NFATC3: variants seen among roughly 807,000 people sequenced by gnomAD.
NFATC3 encodes the protein nuclear factor of activated T cells 3.
Under a neutral mutation model 98.6 loss-of-function variants are expected in NFATC3, and 46 were observed. The observed-to-expected ratio is 0.47, with a 90% CI of 0.37 to 0.60. NFATC3 has a LOEUF of 0.60. Among genes scored for constraint, NFATC3 ranks in the 20% least tolerant of loss-of-function variants. NFATC3 has a pLI of 0.00. For synonymous variants in NFATC3, 512 were observed against 472.2 expected (o/e 1.08, Z -1.09); for missense variants, 1,256 against 1,295.5 (o/e 0.97, Z 0.47).
chr16:68,102,097 C>T (rs1458179175), intron 1 of NFATC3, among the ~76,000 whole-genome samples: 4 of 151,912 alleles, frequency 2.6e-5, no homozygotes, highest in Non-Finnish European at 2.9e-5. Context: ...CTTCACCAGG[C>T]GCAGTGGCTC....
At chr16:68,091,355 AC>A (rs1257864859) in intron 1 of NFATC3, among the ~76,000 whole-genome samples, 1 of 152,174 alleles carries the variant, frequency 6.6e-6, no homozygotes, top group Non-Finnish European at 1.5e-5. Context: ...CAACCAGTAA[AC>A]TTTGCCTAAA....
intron 9 of NFATC3, among the ~76,000 whole-genome samples, chr16:68,208,408 A>G (rs118035472): frequency 0.12 from 18,904 of 152,126 alleles, 1,295 homozygotes; most frequent in South Asian, 0.2. Context: ...ATGCCACTGT[A>G]AATAGAATTG....
At chr16:68,114,159 A>G (rs2036138855) in intron 1 of NFATC3, among the ~76,000 whole-genome samples, 1 of 152,172 alleles carries the variant, frequency 6.6e-6, no homozygotes, top group Non-Finnish European at 1.5e-5. Context: ...AGGGTAGCAC[A>G]GTTACTCACC....
chr16:68,204,662 T>C (rs1218211579), intron 9 of NFATC3, among the ~76,000 whole-genome samples: 1 of 152,184 alleles, frequency 6.6e-6, no homozygotes, highest in African/African-American at 2.4e-5. Context: ...ACTTATATAA[T>C]CTCGCTTTCG....
intron 1 of NFATC3, among the ~76,000 whole-genome samples, chr16:68,099,050 A>G (rs997880766): frequency 2.6e-5 from 4 of 152,196 alleles, no homozygotes; most frequent in Admixed American, 2.0e-4. Flanking sequence ...GATGTGAACA[A>G]TTTTACATGC....
chr16:68,191,097 G>A lies in NFATC3; in HGVS notation c.2428G>A (p.Val810Met). The A allele has an allele frequency of 1.2e-6, 2 of 1,614,184 alleles. No homozygotes were observed. The highest frequency in any genetic ancestry group is 2.2e-5 in the South Asian group (2 of 91,090). ...SSYQPMQTNV[V>M]YNGPTCLPIN... is the part of the protein sequence containing the mutation. ...CTATCAGCCTATGCAAACTAATGTT[G>A]TGTACAATGGACCAACTTGTCTTCC... The change falls in exon 9 of 10, where the codon GTG (valine) becomes ATG (methionine). Residue 810 changes from valine (V) to methionine (M), a missense_variant. Val to Met is a conservative substitution (Grantham distance 21). Transcript: ENST00000346183.
At chr16:68,094,164 TATC>T (rs1237865900) in intron 1 of NFATC3, among the ~76,000 whole-genome samples, 2 of 152,156 alleles carry the variant, frequency 1.3e-5, no homozygotes, top group African/African-American at 4.8e-5. Context: ...CAAGAGGTGA[TATC>T]ATTTTAGGTT....
chr16:68,194,060 C>G (rs984513606), intron 9 of NFATC3, among the ~76,000 whole-genome samples: 1 of 152,082 alleles, frequency 6.6e-6, no homozygotes, highest in Admixed American at 6.6e-5. Context: ...TAGCATTTTT[C>G]TATTTATTAT....
chr16:68,131,088 C>T (rs535065702), intron 3 of NFATC3, among the ~76,000 whole-genome samples: 3 of 152,112 alleles, frequency 2.0e-5, no homozygotes, highest in South Asian at 2.1e-4. Context: ...TGTAATGCCT[C>T]GGGTTTTGTT....
At position 68,140,631 on chromosome 16, in the gene NFATC3, A is replaced by G. The variant is rs563229844; in HGVS notation, c.1401+14021A>G. ...ATAAACCTTATATCTTATAAAATTA[A>G]TACAAAATGATCATGGATTTTTTTT... is the stretch of plus-strand genomic sequence containing the variant. On this transcript the variant is annotated intron_variant, in intron 3 of 9. Transcript: ENST00000346183. Among the ~76,000 whole-genome samples, 17 of 152,046 alleles carry G rather than the reference A, an allele frequency of 1.1e-4. 1 individual carries two copies. The Middle Eastern group carries it at 0.01, about 92-fold the overall frequency.
intron 1 of NFATC3, among the ~76,000 whole-genome samples, chr16:68,088,373 A>G (rs1429850933): frequency 6.8e-6 from 1 of 146,514 alleles, no homozygotes; most frequent in Non-Finnish European, 1.5e-5. Context: ...ATATATATTT[A>G]CATATATAAT....
At chr16:68,196,324 T>C (rs2151124665) in intron 9 of NFATC3, among the ~76,000 whole-genome samples, 1 of 152,266 alleles carries the variant, frequency 6.6e-6, no homozygotes, top group African/African-American at 2.4e-5. Context: ...TTTCGCCATG[T>C]TGGCCAGGCT....
At chr16:68,166,537 G>T (rs1367894842) in intron 4 of NFATC3, among the ~76,000 whole-genome samples, 3 of 152,236 alleles carry the variant, frequency 2.0e-5, no homozygotes, top group African/African-American at 7.2e-5. Flanking sequence ...TCATAGGCCA[G>T]TTCTCAAGGA....
chr16:68,221,666 A>T, intron 9 of NFATC3: 1 of 838,040 alleles, frequency 1.2e-6, no homozygotes, highest in South Asian at 5.3e-5. Flanking sequence ...TATAATGTAT[A>T]GTTGAGTATA....
At chr16:68,215,324 A>G (rs558682319) in intron 9 of NFATC3, among the ~76,000 whole-genome samples, 1 of 152,344 alleles carries the variant, frequency 6.6e-6, no homozygotes, top group South Asian at 2.1e-4. Context: ...TTGAATGTAT[A>G]TAAAACTCTC....
intron 6 of NFATC3, among the ~76,000 whole-genome samples, chr16:68,179,173 C>T (rs575513946): frequency 6.6e-6 from 1 of 152,298 alleles, no homozygotes; most frequent in African/African-American, 2.4e-5. Context: ...AGAGCTCTTC[C>T]AGGAAGCCTT....
chr16:68,217,939 G>A lies in NFATC3; in HGVS notation c.3107-8411G>A, dbSNP rs997909634. ...GTGTCAGTGTGACTAACTAAACCTCGATTACTGTGGAAGAATGAATTAAGA... is the reference window on the plus strand; with the variant it reads ...GTGTCAGTGTGACTAACTAAACCTCAATTACTGTGGAAGAATGAATTAAGA... On this transcript the variant is annotated intron_variant, in intron 9 of 9. Transcript: ENST00000346183. 34 of 1,222,892 alleles carry A rather than the reference G, an allele frequency of 2.8e-5. No homozygotes were observed. In the African/African-American group the frequency reaches 4.2e-4, roughly 15 times the overall value. 75.8% of individuals were successfully genotyped at this position (1,222,892 alleles called of 1,614,324 possible). A position where few individuals can be genotyped will look rare whatever the true frequency, so the allele number is the denominator to read the frequency against.
At chr16:68,138,463 A>C in intron 3 of NFATC3, 2 of 1,243,994 alleles carry the variant, frequency 1.6e-6, no homozygotes, top group African/African-American at 1.6e-5. Flanking sequence ...AAGACCAAAA[A>C]AATTTTTTAA....
chr16:68,181,445 C>T (rs1320237373), intron 6 of NFATC3, 30 bp from the exon 7 acceptor site: 1 of 1,559,714 alleles, frequency 6.4e-7, no homozygotes, highest in East Asian at 2.3e-5. Flanking sequence ...ATATGAATTG[C>T]TTTTAACTAT....
Sources: gnomAD v4.1 joint callset for allele counts (sites outside exome capture counted in the v4.1 genomes callset) on GRCh38, gnomAD v4.1.1 for gene constraint, MANE v1.5 for transcripts, NCBI Gene and HGNC (gene_info 2026-07-23, HGNC 2026-07-21) for gene names.